Variants in SLC12A6 observed in about 807,000 individuals in gnomAD.
SLC12A6 encodes the protein K-Cl cotransporter 3.
In SLC12A6, 66 loss-of-function variants were observed where a neutral mutation model predicts 135.3. The observed-to-expected ratio is 0.49, with a 90% CI of 0.40 to 0.60. SLC12A6 has a LOEUF of 0.60. SLC12A6 is among the 20% of genes least tolerant of loss of function. The probability of loss-of-function intolerance (pLI) is 0.00; values close to 1 mark genes in which losing one functional copy is unlikely to be tolerated. For missense variants in SLC12A6, 1,058 were observed against 1,452.3 expected, an observed-to-expected ratio of 0.73 and a Z score of 4.41; for synonymous variants, 513 against 508.8, an observed-to-expected ratio of 1.01 and a Z score of -0.11.
At chr15:34,310,278 T>C (rs1888078508) in intron 2 of SLC12A6, among the ~76,000 whole-genome samples, 1 of 112,042 alleles carries the variant, frequency 8.9e-6, no homozygotes, top group African/African-American at 3.8e-5. Context: ...GTGTCCAGGC[T>C]GGTGTTGAAC....
chr15:34,275,257 A>C, intron 3 of SLC12A6, 88 bp downstream of exon 3: 2 of 730,192 alleles, frequency 2.7e-6, no homozygotes, highest in South Asian at 3.2e-5. Flanking sequence ...GGGATAGAAA[A>C]TAGAATCAGA....
In SLC12A6 at chr15:34,233,866, GTCAT is replaced by G. The variant is rs1465156940; in HGVS notation, c.*11_*14del. 3 of 1,433,938 alleles carry G rather than the reference GTCAT, an allele frequency of 2.1e-6. No individual in the cohort carries two copies. The highest frequency in any genetic ancestry group is 1.7e-5 in the Admixed American group (1 of 59,790). The allele number at this position is 1,433,938 out of a possible 1,614,324, so 88.8% of individuals were successfully genotyped here. On this transcript the variant is annotated 3_prime_UTR_variant, in exon 26 of 26. Coordinates refer to ENST00000354181, the MANE Select transcript of SLC12A6 (RefSeq NM_001365088.1). ...CTTTTAAGAAAACAGGTCAAGCACG[GTCAT>G]TCAGAGTAGGTTATGAATAAATGGT...
At chr15:34,309,398 A>G (rs1595546601) in intron 2 of SLC12A6, among the ~76,000 whole-genome samples, 2 of 152,214 alleles carry the variant, frequency 1.3e-5, no homozygotes, top group African/African-American at 2.4e-5. Context: ...AGCAATATGC[A>G]TATTTTATAG....
At chr15:34,265,781 G>C (rs1893471138) in intron 3 of SLC12A6, among the ~76,000 whole-genome samples, 1 of 152,176 alleles carries the variant, frequency 6.6e-6, no homozygotes, top group African/African-American at 2.4e-5. Flanking sequence ...ATTTCAGGCA[G>C]AGGGAACACA....
In SLC12A6 at chr15:34,245,880, T is replaced by C. The variant is rs777561768; in HGVS notation, c.1650-13A>G. ...AGCATCACCGAACCTGGGAAAGAAA[T>C]AGGAGTGGGAAATTTAATCTGGAAA... On this transcript the variant is annotated splice_polypyrimidine_tract_variant and intron_variant, in intron 13 of 25. Coordinates refer to ENST00000354181, the MANE Select transcript of SLC12A6 (RefSeq NM_001365088.1). The C allele has an allele frequency of 1.2e-6, 2 of 1,604,014 alleles. No homozygotes were observed. The highest frequency in any genetic ancestry group is 1.3e-5 in the African/African-American group (1 of 74,666).
chr15:34,299,916 T>C (rs561520412), intron 2 of SLC12A6, among the ~76,000 whole-genome samples: 55 of 152,256 alleles, frequency 3.6e-4, no homozygotes, highest in African/African-American at 1.2e-3. Flanking sequence ...TGGTAATTAC[T>C]GTAATGGATG....
At chr15:34,299,292 C>A (rs1896085443) in intron 2 of SLC12A6, among the ~76,000 whole-genome samples, 1 of 152,178 alleles carries the variant, frequency 6.6e-6, no homozygotes, top group Non-Finnish European at 1.5e-5. Context: ...GGCATTTAAG[C>A]CCCTTTATAT....
At position 34,336,713 on chromosome 15, in the gene SLC12A6, G is replaced by A. The variant is rs139280382; in HGVS notation, c.-33C>T. Reference sequence around the variant, plus strand: ...TTTTTAAGAACAAAAAAAGTGGGGGGAACCTCGCAAAATCTTCCTCTTACG... The same window carrying A: ...TTTTTAAGAACAAAAAAAGTGGGGGAAACCTCGCAAAATCTTCCTCTTACG... On this transcript the variant is annotated 5_prime_UTR_variant, in exon 2 of 26. Transcript: ENST00000354181. The A allele has an allele frequency of 6.9e-6, 11 of 1,603,190 alleles. No homozygotes were observed. Among genetic ancestry groups the A allele is most frequent in the African/African-American group, 5.4e-5 (4 of 74,766 alleles).
chr15:34,313,097 G>C (rs1055425103), intron 2 of SLC12A6, among the ~76,000 whole-genome samples: 2 of 152,140 alleles, frequency 1.3e-5, no homozygotes, highest in Non-Finnish European at 2.9e-5. Flanking sequence ...TGGCCTCTAA[G>C]TTTTCAAGTG....
chr15:34,329,879 T>G (rs1889720343), intron 2 of SLC12A6, among the ~76,000 whole-genome samples: 1 of 152,158 alleles, frequency 6.6e-6, no homozygotes, highest in African/African-American at 2.4e-5. Flanking sequence ...CTTCAACAAA[T>G]TATAAACATT....
intron 2 of SLC12A6, among the ~76,000 whole-genome samples, chr15:34,277,012 A>AT (rs145777224): frequency 0.098 from 14,901 of 152,066 alleles, 819 homozygotes; most frequent in South Asian, 0.15. Flanking sequence ...TTTTCAGGGG[A>AT]TTTTTTTCCT....
chr15:34,279,185 C>A (rs539787968), intron 2 of SLC12A6, among the ~76,000 whole-genome samples: 1 of 151,690 alleles, frequency 6.6e-6, no homozygotes, highest in Non-Finnish European at 1.5e-5. Context: ...CATGGTGATG[C>A]GCCCCTGTAA....
intron 2 of SLC12A6, among the ~76,000 whole-genome samples, chr15:34,311,851 T>C (rs1466386610): frequency 6.6e-6 from 1 of 151,342 alleles, no homozygotes; most frequent in East Asian, 1.9e-4. Flanking sequence ...TCCTTTGTAT[T>C]GTTCTTTTTA....
intron 2 of SLC12A6, among the ~76,000 whole-genome samples, chr15:34,276,464 T>C (rs1024349669): frequency 6.6e-6 from 1 of 152,190 alleles, no homozygotes; most frequent in Non-Finnish European, 1.5e-5. Flanking sequence ...CAATCATCAT[T>C]TAACAGTCAA....
intron 3 of SLC12A6, among the ~76,000 whole-genome samples, chr15:34,268,855 C>CTTTTT (rs149179838): frequency 6.7e-6 from 1 of 148,926 alleles, no homozygotes; most frequent in Admixed American, 6.6e-5. Context: ...TTCTTTTTTT[C>CTTTTT]TTTCTTTCTT....
intron 2 of SLC12A6, among the ~76,000 whole-genome samples, chr15:34,304,278 A>G (rs533758790): frequency 1.2e-4 from 18 of 152,220 alleles, no homozygotes; most frequent in Admixed American, 7.2e-4. Flanking sequence ...ATAATATTCC[A>G]TTATATGGCT....
At chr15:34,235,430 G>GTTTTTTTTTTTTTTTTTT (rs1340964496) in intron 24 of SLC12A6, 116 bp from the exon 25 acceptor site, 1 of 539,148 alleles carries the variant, frequency 1.9e-6, no homozygotes, top group African/African-American at 2.2e-5. Context: ...CTGATAAAAT[G>GTTTTTTTTTTTTTTTTTT]ATTTTTTTTT....
At chr15:34,235,987 T>A in intron 24 of SLC12A6, 28 bp downstream of exon 24, 1 of 1,575,632 alleles carries the variant, frequency 6.3e-7, no homozygotes, top group Non-Finnish European at 8.7e-7. Flanking sequence ...GGTAATTTTA[T>A]GATAAACTTG....
intron 2 of SLC12A6, among the ~76,000 whole-genome samples, chr15:34,331,886 G>GC (rs1889874693): frequency 6.6e-6 from 1 of 151,974 alleles, no homozygotes; most frequent in Non-Finnish European, 1.5e-5. Context: ...TTGGTTAACA[G>GC]CCAGTCTCAA....
Sources: allele counts gnomAD v4.1 joint callset (sites outside exome capture counted in the v4.1 genomes callset), GRCh38; gene constraint gnomAD v4.1.1; transcripts MANE v1.5; gene names NCBI Gene and HGNC (gene_info 2026-07-23, HGNC 2026-07-21).